CALCR: variants seen among roughly 807,000 people sequenced by gnomAD.
CALCR encodes the protein calcitonin receptor.
In CALCR, 47 loss-of-function variants were observed where a neutral mutation model predicts 59.5. The observed-to-expected ratio is 0.79, with a 90% CI of 0.63 to 1.01. The LOEUF is 1.01. Ranked by LOEUF, CALCR falls within the 50% of genes least tolerant of loss-of-function variation. CALCR has a pLI of 0.00. For missense variants in CALCR, 566 were observed against 597.1 expected (o/e 0.95, Z 0.54); for synonymous variants, 213 against 211.3 (o/e 1.01, Z -0.07).
Position 93,443,734 on chromosome 7 carries a change from A to T in CALCR, c.672T>A (p.Phe224Leu). The change falls in exon 9 of 14, where the codon TTT (phenylalanine) becomes TTA (leucine). Residue 224 changes from phenylalanine to leucine, a missense_variant. Physicochemically the swap from Phe to Leu is conservative, Grantham distance 22. Coordinates refer to ENST00000426151, the MANE Select transcript of CALCR (RefSeq NM_001742.4). ...TGCAGGCCATCATGTACTGGTGGAA[A>T]AAATGCAAAATCTTGCAGCTCACCT... ...RDPVSCKILH[F>L]FHQYMMACNY... is the part of the protein sequence containing the mutation. 6.2e-7 allele frequency: 1 copy of T among 1,613,266 alleles called. No individual in the cohort carries two copies. The highest frequency in any genetic ancestry group is 8.5e-7 in the Non-Finnish European group (1 of 1,179,446).
intron 8 of CALCR, among the ~76,000 whole-genome samples, chr7:93,445,015 C>G (rs1160513723): frequency 6.6e-6 from 1 of 152,030 alleles, no homozygotes; most frequent in Non-Finnish European, 1.5e-5. Flanking sequence ...TACTGTGTTT[C>G]CTTTTCTTTC....
At chr7:93,548,957 CCT>C (rs1789376310) in intron 2 of CALCR, among the ~76,000 whole-genome samples, 1 of 150,860 alleles carries the variant, frequency 6.6e-6, no homozygotes, top group Non-Finnish European at 1.5e-5. Context: ...ATTTTTTCCC[CCT>C]GAGAATTGTA....
chr7:93,544,983 G>A (rs890356701), intron 2 of CALCR, among the ~76,000 whole-genome samples: 3 of 152,056 alleles, frequency 2.0e-5, no homozygotes, highest in African/African-American at 4.8e-5. Flanking sequence ...GCTGTCTCAC[G>A]CTTTCCCCAG....
chr7:93,448,012 G>A (rs1442133643), intron 8 of CALCR, among the ~76,000 whole-genome samples: 1 of 151,976 alleles, frequency 6.6e-6, no homozygotes, highest in South Asian at 2.1e-4. Flanking sequence ...GTCAAACAGA[G>A]TCCCTACTCC....
intron 2 of CALCR, among the ~76,000 whole-genome samples, chr7:93,499,105 A>T (rs77421373): frequency 6.6e-6 from 1 of 151,676 alleles, no homozygotes; most frequent in South Asian, 2.1e-4. Context: ...TTTCACTCCA[A>T]GATAGGCTCT....
chr7:93,445,787 C>A (rs1346057530), intron 8 of CALCR, among the ~76,000 whole-genome samples: 1 of 152,084 alleles, frequency 6.6e-6, no homozygotes, highest in Non-Finnish European at 1.5e-5. Context: ...CACATATTCT[C>A]TGTAAGCCAC....
chr7:93,469,565 T>G (rs965273493), intron 6 of CALCR, among the ~76,000 whole-genome samples: 8 of 151,708 alleles, frequency 5.3e-5, no homozygotes, highest in African/African-American at 1.7e-4. Context: ...GTTTCTGTGT[T>G]TCTGGTCTCT....
At chr7:93,561,695 TTCTA>T (rs1789751840) in intron 2 of CALCR, among the ~76,000 whole-genome samples, 1 of 152,184 alleles carries the variant, frequency 6.6e-6, no homozygotes, top group African/African-American at 2.4e-5. Flanking sequence ...TAAAATTATC[TTCTA>T]TCTTTTTATT....
intron 2 of CALCR, among the ~76,000 whole-genome samples, chr7:93,502,835 G>T (rs932802422): frequency 2.6e-5 from 4 of 151,958 alleles, no homozygotes; most frequent in Admixed American, 2.0e-4. Flanking sequence ...ACTTTAAAAA[G>T]GGACTACAAA....
chr7:93,502,964 C>T (rs7779826), intron 2 of CALCR, among the ~76,000 whole-genome samples: 26,961 of 151,992 alleles, frequency 0.18, 5,849 homozygotes, highest in African/African-American at 0.51. Context: ...TTACCTCCTT[C>T]AATCTTTTCA....
chr7:93,482,873 G>C (rs1481481404), intron 3 of CALCR: 1 of 532,820 alleles, frequency 1.9e-6, no homozygotes, highest in Admixed American at 1.9e-5. Flanking sequence ...AACCTCTGTT[G>C]TCAGATGAGC....
intron 8 of CALCR, among the ~76,000 whole-genome samples, chr7:93,460,576 T>TATATATATATATATAC (rs1330819680): frequency 2.5e-4 from 26 of 104,532 alleles, no homozygotes; most frequent in African/African-American, 1.2e-3. Context: ...AAAAAAAATA[T>TATATATATATATATAC]ATATATATAT....
intron 2 of CALCR, among the ~76,000 whole-genome samples, chr7:93,573,099 A>T (rs1322316404): frequency 6.6e-6 from 1 of 152,182 alleles, no homozygotes; most frequent in African/African-American, 2.4e-5. Context: ...TTTCTCTCAT[A>T]ATACTGGTGT....
In CALCR at chr7:93,438,266, G is replaced by C; in HGVS notation, c.807C>G (p.Phe269Leu). 2 of 1,611,680 alleles carry C rather than the reference G, an allele frequency of 1.2e-6. No homozygotes were observed. Among genetic ancestry groups the C allele is most frequent in the Non-Finnish European group, 1.7e-6 (2 of 1,177,828 alleles). Residue 269 changes from phenylalanine to leucine, a missense_variant, in exon 10 of 14, where the codon TTC becomes TTG. Physicochemically the swap from Phe to Leu is conservative, Grantham distance 22. Transcript: ENST00000426151. ...CATGGATAGTGGTTGGCACCAGCGG[G>C]AACCCTACAAATGTGAAAAGTACAA... ...LRWYYLLGWG[F>L]PLVPTTIHAI...
At chr7:93,534,654 C>T (rs1230596577) in intron 2 of CALCR, among the ~76,000 whole-genome samples, 2 of 151,638 alleles carry the variant, frequency 1.3e-5, no homozygotes, top group Non-Finnish European at 3.0e-5. Flanking sequence ...TAAACTCATA[C>T]CTAACAGTGA....
intron 2 of CALCR, among the ~76,000 whole-genome samples, chr7:93,543,129 T>C (rs12704681): frequency 0.38 from 57,783 of 152,028 alleles, 12,136 homozygotes; most frequent in Non-Finnish European, 0.48. Context: ...TGTTTTGAGA[T>C]AGGGTCTTGC....
At position 93,483,434 on chromosome 7, in the gene CALCR, TAGATA is replaced by T. The variant is rs1248362019; in HGVS notation, c.51+3492_51+3496del. Among the ~76,000 whole-genome samples the T allele has an allele frequency of 1.4e-4, 20 of 138,782 alleles. No individual in the cohort carries two copies. In the Middle Eastern group the frequency reaches 0.014, roughly 97 times the overall value. 91.0% of individuals were successfully genotyped at this position (138,782 alleles called of 152,430 possible). ...ATAGATAGATAGATAGATAGATAGA[TAGATA>T]GATAGATAGATAGATAGACAGACAG... On this transcript the variant is annotated intron_variant, in intron 3 of 13. Transcript: ENST00000426151.
intron 5 of CALCR, among the ~76,000 whole-genome samples, chr7:93,476,008 G>A (rs369599838): frequency 1.3e-5 from 2 of 151,778 alleles, no homozygotes; most frequent in Admixed American, 6.6e-5. Flanking sequence ...TGCAGATTCC[G>A]AGGTCCTGTC....
chr7:93,475,570 T>C (rs979464776), intron 5 of CALCR, among the ~76,000 whole-genome samples: 1 of 151,750 alleles, frequency 6.6e-6, no homozygotes, highest in Non-Finnish European at 1.5e-5. Context: ...ATGAATGTAA[T>C]TTGGTTTCAA....
Sources: allele counts gnomAD v4.1 joint callset (sites outside exome capture counted in the v4.1 genomes callset), GRCh38; gene constraint gnomAD v4.1.1; transcripts MANE v1.5; gene names NCBI Gene and HGNC (gene_info 2026-07-23, HGNC 2026-07-21).